Variants in DIP2C observed in about 807,000 individuals in gnomAD.
DIP2C encodes the protein disco-interacting protein 2 homolog C.
In DIP2C, 33 loss-of-function variants were observed where a neutral mutation model predicts 192.4. The ratio of observed to expected loss-of-function variants is 0.17; its 90% CI spans 0.13 to 0.23. The LOEUF (loss-of-function observed/expected upper bound fraction) is 0.23, where lower values mean the gene tolerates loss of function less well. Ranked by LOEUF, DIP2C falls within the 10% of genes least tolerant of loss-of-function variation. DIP2C has a pLI of 1.00. For synonymous variants in DIP2C, 979 were observed against 864.1 expected, an observed-to-expected ratio of 1.13 and a Z score of -2.33; for missense variants, 1,537 against 2,110.1, an observed-to-expected ratio of 0.73 and a Z score of 5.32.
intron 26 of DIP2C, among the ~76,000 whole-genome samples, chr10:346,292 T>C (rs1958448212): frequency 1.4e-5 from 1 of 69,720 alleles, no homozygotes; most frequent in Non-Finnish European, 2.6e-5. Flanking sequence ...CGCGCATAGT[T>C]CTCCCGGAAA....
chr10:572,744 G>T (rs550159348), intron 1 of DIP2C, among the ~76,000 whole-genome samples: 1 of 152,102 alleles, frequency 6.6e-6, no homozygotes, highest in Admixed American at 6.5e-5. Flanking sequence ...ACAGATGCGG[G>T]TTTTCCTCCA....
intron 4 of DIP2C, among the ~76,000 whole-genome samples, chr10:435,809 G>A (rs1040060660): frequency 2.0e-5 from 3 of 151,896 alleles, no homozygotes; most frequent in Non-Finnish European, 2.9e-5. Flanking sequence ...TTTTCTTTTC[G>A]TTCTTTGACA....
intron 1 of DIP2C, among the ~76,000 whole-genome samples, chr10:632,980 C>T (rs926264573): frequency 2.8e-4 from 43 of 152,244 alleles, no homozygotes; most frequent in Non-Finnish European, 2.4e-4. Context: ...ACACAGGCAC[C>T]GGTGTGAACT....
chr10:320,020 G>C (rs911567446), intron 31 of DIP2C, among the ~76,000 whole-genome samples: 1 of 152,208 alleles, frequency 6.6e-6, no homozygotes, highest in African/African-American at 2.4e-5. Flanking sequence ...CTTCCTATTT[G>C]AGAGGAAAAT....
chr10:577,364 C>T (rs1206728006), intron 1 of DIP2C, among the ~76,000 whole-genome samples: 3 of 152,224 alleles, frequency 2.0e-5, no homozygotes, highest in African/African-American at 2.4e-5. Flanking sequence ...CAAAAATAAG[C>T]ATGAGAAATT....
intron 1 of DIP2C, chr10:649,893 G>C (rs956453945): frequency 7.1e-6 from 4 of 563,204 alleles, no homozygotes; most frequent in Non-Finnish European, 1.3e-5. Context: ...GTCCCCTTGT[G>C]GGGGGGTGCC....
intron 33 of DIP2C, among the ~76,000 whole-genome samples, chr10:288,054 G>C (rs1240272223): frequency 6.6e-6 from 1 of 152,166 alleles, no homozygotes; most frequent in African/African-American, 2.4e-5. Flanking sequence ...GGCTGGAGCG[G>C]AAGCAGCCGC....
intron 1 of DIP2C, among the ~76,000 whole-genome samples, chr10:525,779 C>T (rs1284068697): frequency 6.6e-6 from 1 of 152,208 alleles, no homozygotes; most frequent in Non-Finnish European, 1.5e-5. Context: ...CCTGCGATGG[C>T]CAGGCATCTC....
chr10:518,695 G>A (rs1846514913), intron 1 of DIP2C, among the ~76,000 whole-genome samples: 1 of 151,760 alleles, frequency 6.6e-6, no homozygotes, highest in East Asian at 2.1e-4. Context: ...ACAAATTCCT[G>A]TTGTTTAGAG....
At chr10:362,117 A>T (rs944945467) in intron 22 of DIP2C, among the ~76,000 whole-genome samples, 1 of 152,136 alleles carries the variant, frequency 6.6e-6, no homozygotes, top group Admixed American at 6.5e-5. Context: ...GCAACATAAG[A>T]AAAAAATTAG....
intron 32 of DIP2C, among the ~76,000 whole-genome samples, chr10:300,959 A>T (rs1368970827): frequency 2.0e-5 from 3 of 152,250 alleles, no homozygotes; most frequent in South Asian, 2.1e-4. Context: ...ATCTTTTATT[A>T]AACAGAAAAA....
At chr10:582,343 C>A (rs1177139916) in intron 1 of DIP2C, among the ~76,000 whole-genome samples, 7 of 152,206 alleles carry the variant, frequency 4.6e-5, no homozygotes, top group Admixed American at 2.6e-4. Flanking sequence ...TACAGAGGTT[C>A]TCCGTAAAAA....
chr10:604,359 A>G (rs1424133096), intron 1 of DIP2C, among the ~76,000 whole-genome samples: 1 of 152,254 alleles, frequency 6.6e-6, no homozygotes, highest in Non-Finnish European at 1.5e-5. Flanking sequence ...ATAGGAGACA[A>G]AGATGAGGAA....
chr10:555,928 C>CA (rs1848831937), intron 1 of DIP2C, among the ~76,000 whole-genome samples: 1 of 152,114 alleles, frequency 6.6e-6, no homozygotes, highest in East Asian at 1.9e-4. Context: ...CCCGGCCCTG[C>CA]AGCAGCAGCC....
chr10:645,214 G>T (rs1362642987), intron 1 of DIP2C, among the ~76,000 whole-genome samples: 1 of 152,234 alleles, frequency 6.6e-6, no homozygotes, highest in Non-Finnish European at 1.5e-5. Context: ...GAGCTGGCAT[G>T]AACGTTCCAG....
In DIP2C at chr10:382,776, G is replaced by T; in HGVS notation, c.1877-15C>A. On this transcript the variant is annotated splice_polypyrimidine_tract_variant and intron_variant, in intron 16 of 36. Transcript: ENST00000280886. ...AGAAATAGACCCTAGAGTGAAAGAG[G>T]GACAATGATCAGACAGCTGAAGCAC... 6.4e-7 allele frequency: 1 copy of T among 1,567,136 alleles called. No homozygotes were observed. Among genetic ancestry groups the T allele is most frequent in the Non-Finnish European group, 8.7e-7 (1 of 1,145,086 alleles).
chr10:509,198 G>C (rs937310402), intron 1 of DIP2C, among the ~76,000 whole-genome samples: 1 of 152,124 alleles, frequency 6.6e-6, no homozygotes, highest in Non-Finnish European at 1.5e-5. Context: ...TGGCACGCGT[G>C]GATACTGATT....
intron 1 of DIP2C, among the ~76,000 whole-genome samples, chr10:520,242 C>A (rs1289350740): frequency 1.3e-5 from 2 of 152,138 alleles, no homozygotes; most frequent in Non-Finnish European, 2.9e-5. Context: ...CAGCGCTCAG[C>A]AGGGAGGGCC....
At chr10:388,325 C>CT (rs747212673) in intron 13 of DIP2C, among the ~76,000 whole-genome samples, 7 of 152,220 alleles carry the variant, frequency 4.6e-5, no homozygotes, top group Admixed American at 1.3e-4. Flanking sequence ...GGGGAGGGCT[C>CT]TAAAAAGGTG....
Sources: allele counts gnomAD v4.1 joint callset (sites outside exome capture counted in the v4.1 genomes callset), GRCh38; gene constraint gnomAD v4.1.1; transcripts MANE v1.5; gene names NCBI Gene and HGNC (gene_info 2026-07-23, HGNC 2026-07-21).